The following TCF3 variants were observed in gnomAD, a reference collection of about 807,000 sequenced individuals.
The protein encoded by TCF3 is transcription factor E2-alpha.
A neutral mutation model predicts 72.3 loss-of-function variants in TCF3; 54 were observed. The ratio of observed to expected loss-of-function variants is 0.75; its 90% CI spans 0.60 to 0.94. The LOEUF (loss-of-function observed/expected upper bound fraction) is 0.94. TCF3 is among the 40% of genes least tolerant of loss of function. TCF3 has a pLI of 0.00. For missense variants in TCF3, 1,078 were observed against 934.4 expected, an observed-to-expected ratio of 1.15 and a Z score of -2.00; for synonymous variants, 525 against 412.6, an observed-to-expected ratio of 1.27 and a Z score of -3.30.
At chr19:1,642,266 G>GCACGCACA (rs1434733978) in intron 3 of TCF3, among the ~76,000 whole-genome samples, 1 of 149,450 alleles carries the variant, frequency 6.7e-6, no homozygotes, top group Admixed American at 6.7e-5. Context: ...GCGCACACAC[G>GCACGCACA]CACGCACACG....
At chr19:1,650,965 GAAAAA>G in intron 1 of TCF3, 1 of 203,112 alleles carries the variant, frequency 4.9e-6, no homozygotes, top group African/African-American at 2.4e-5. Context: ...ATTCAGGAAA[GAAAAA>G]AAAAACAGCC....
intron 11 of TCF3, among the ~76,000 whole-genome samples, 182 bp from the exon 12 acceptor site, chr19:1,621,373 C>T (rs184428903): frequency 9.8e-4 from 149 of 152,366 alleles, no homozygotes; most frequent in African/African-American, 3.4e-3. Context: ...GCACTGGGGA[C>T]AGGCCACTGG....
In TCF3 at chr19:1,614,690, G is replaced by C. The variant is rs990075326; in HGVS notation, c.1822+595C>G. 1.6e-4 allele frequency among the ~76,000 whole-genome samples: 25 copies of C among 152,242 alleles called. No homozygotes were observed. The highest frequency in any genetic ancestry group is 5.8e-4 in the African/African-American group (24 of 41,542). On this transcript the variant is annotated intron_variant, in intron 18 of 18. Transcript: ENST00000262965. This position sits in a 1 kb window ranked among gnomAD's most constrained non-coding sequence, Gnocchi z 5.6. The stretch of plus-strand genomic sequence containing the variant: ...TAAGGAAGCAGCCGCCAGCGCCAGC[G>C]GGGGGAAGGAGTCAGCTCACATCTG...
rs1428818118 is a variant in TCF3, at chr19:1,619,238, C to A, written c.1327-4G>T. The A allele has an allele frequency of 6.3e-7, 1 of 1,591,606 alleles. No homozygotes were observed. The highest frequency in any genetic ancestry group is 1.3e-5 in the African/African-American group (1 of 74,816). ...CCTCGGGGTGGCTGCCTCCAACCTG[C>A]AGGCGTGGGGAGACGGGTGCATCAG... On this transcript the variant is annotated splice_region_variant and splice_polypyrimidine_tract_variant and intron_variant, in intron 15 of 18. Transcript: ENST00000262965.
chr19:1,652,611 G>A lies in TCF3; in HGVS notation c.-351C>T, dbSNP rs1433428359. On this transcript the variant is annotated 5_prime_UTR_variant, in exon 1 of 19. Coordinates refer to ENST00000262965, the MANE Select transcript of TCF3 (RefSeq NM_003200.5). ...CTCATCTTCCTGCGGCGGGAGACAT[G>A]TTCCGCCCCCCGCCCGCGCCGCCCC... is the stretch of plus-strand genomic sequence containing the variant. The A allele has an allele frequency of 1.3e-5, 2 of 148,334 alleles. No homozygotes were observed. Among genetic ancestry groups the A allele is most frequent in the Non-Finnish European group, 3.0e-5 (2 of 66,290 alleles). The allele number at this position is 148,334 out of a possible 1,614,324, so 9.2% of individuals were successfully genotyped here. A position where few individuals can be genotyped will look rare whatever the true frequency, so the allele number is the denominator to read the frequency against.
Position 1,632,501 on chromosome 19 carries a change from C to CG in TCF3, c.146-97dup, listed in dbSNP as rs1413810176. 8.2e-6 allele frequency: 11 copies of CG among 1,346,096 alleles called. No homozygotes were observed. In the East Asian group the frequency reaches 1.5e-4, roughly 19 times the overall value. The allele number at this position is 1,346,096 out of a possible 1,614,324, so 83.4% of individuals were successfully genotyped here. A position where few individuals can be genotyped will look rare whatever the true frequency, so the allele number is the denominator to read the frequency against. On this transcript the variant is annotated intron_variant, in intron 3 of 18. Coordinates refer to ENST00000262965, the MANE Select transcript of TCF3 (RefSeq NM_003200.5). ...TCTCAGGGGCAAACCTCAGTGGACC[C>CG]GGGGGGCTTGTGGAACCCTTCCTAA...
At chr19:1,648,816 A>AT (rs2066533987) in intron 2 of TCF3, among the ~76,000 whole-genome samples, 1 of 82,958 alleles carries the variant, frequency 1.2e-5, no homozygotes, top group Non-Finnish European at 2.4e-5. Flanking sequence ...GCCACTGGGC[A>AT]TGGGGGGGGG....
At chr19:1,626,508 A>T (rs1332402848) in intron 6 of TCF3, among the ~76,000 whole-genome samples, 1 of 151,114 alleles carries the variant, frequency 6.6e-6, no homozygotes, top group Non-Finnish European at 1.5e-5. Context: ...GGGGTGGCCC[A>T]GCGCCCAGGA....
At chr19:1,636,959 G>C (rs1262104726) in intron 3 of TCF3, among the ~76,000 whole-genome samples, 1 of 152,142 alleles carries the variant, frequency 6.6e-6, no homozygotes, top group Non-Finnish European at 1.5e-5. Flanking sequence ...CTAAGAGTGG[G>C]GGTCCCCACA....
chr19:1,626,585 T>C (rs887692916), intron 6 of TCF3, among the ~76,000 whole-genome samples: 17 of 152,036 alleles, frequency 1.1e-4, no homozygotes, highest in African/African-American at 4.1e-4. Context: ...CGGGGCTCGA[T>C]GAGTCACCCG....
intron 2 of TCF3, among the ~76,000 whole-genome samples, chr19:1,648,387 G>A (rs558538860): frequency 1.3e-5 from 2 of 152,208 alleles, no homozygotes; most frequent in African/African-American, 4.8e-5. Flanking sequence ...GCACCTCGCC[G>A]CTCCCAGCCT....
At chr19:1,620,092 A>T (rs946786879) in intron 13 of TCF3, among the ~76,000 whole-genome samples, 6 of 152,066 alleles carry the variant, frequency 3.9e-5, no homozygotes, top group Non-Finnish European at 8.8e-5. Flanking sequence ...CATCTACAAA[A>T]TCCAACTCCC....
Position 1,621,199 on chromosome 19 carries a change from T to G in TCF3, c.956-8A>C. On this transcript the variant is annotated splice_region_variant and splice_polypyrimidine_tract_variant and intron_variant, in intron 11 of 18. Transcript: ENST00000262965. ...CTGTGGTCCCTCGGGAGCCTGTGGG[T>G]GAAGAGAGGTGAGGCCCACGCAGCC... The G allele has an allele frequency of 6.5e-7, 1 of 1,534,532 alleles. No individual in the cohort carries two copies. Among genetic ancestry groups the G allele is most frequent in the Non-Finnish European group, 8.7e-7 (1 of 1,145,794 alleles).
intron 3 of TCF3, among the ~76,000 whole-genome samples, chr19:1,643,613 T>G (rs923111430): frequency 6.6e-6 from 1 of 152,180 alleles, no homozygotes; most frequent in African/African-American, 2.4e-5. Flanking sequence ...CCTCCTGGCC[T>G]CAAGCGATCC....
intron 2 of TCF3, among the ~76,000 whole-genome samples, chr19:1,647,549 G>A (rs565088074): frequency 6.1e-4 from 93 of 152,326 alleles, no homozygotes; most frequent in Admixed American, 5.9e-4. Context: ...GAGGAAGAAC[G>A]GTCTTGCGGG....
At position 1,609,332 on chromosome 19, in the gene TCF3, T is replaced by C. The variant is rs576183556; in HGVS notation, c.*2375A>G. The stretch of plus-strand genomic sequence containing the variant: ...CACGTTTATTGCTACAGTGCTGTTA[T>C]ATACAGGACAGGTCTCTGAATCCAC... On this transcript the variant is annotated 3_prime_UTR_variant, in exon 19 of 19. Coordinates refer to ENST00000262965, the MANE Select transcript of TCF3 (RefSeq NM_003200.5). 5.2e-6 allele frequency: 1 copy of C among 191,494 alleles called. No homozygotes were observed. The highest frequency in any genetic ancestry group is 2.3e-5 in the African/African-American group (1 of 42,942). The allele number at this position is 191,494 out of a possible 1,614,324, so 11.9% of individuals were successfully genotyped here.
At chr19:1,648,622 C>G (rs2066498591) in intron 2 of TCF3, among the ~76,000 whole-genome samples, 1 of 152,248 alleles carries the variant, frequency 6.6e-6, no homozygotes, top group East Asian at 1.9e-4. Context: ...AAAATACCAG[C>G]ATGGCCCTTC....
chr19:1,632,488 A>C, intron 3 of TCF3, 83 bp from the exon 4 acceptor site: 1 of 1,402,338 alleles, frequency 7.1e-7, no homozygotes, highest in Non-Finnish European at 9.8e-7. Flanking sequence ...TCAGGGGCAA[A>C]CCTCAGTGGA....
chr19:1,629,795 C>T (rs554010989), intron 5 of TCF3, among the ~76,000 whole-genome samples: 1 of 152,154 alleles, frequency 6.6e-6, no homozygotes, highest in Non-Finnish European at 1.5e-5. Flanking sequence ...AAAAAATTTC[C>T]CGATTTTTGA....
Sources: allele counts gnomAD v4.1 joint callset (sites outside exome capture counted in the v4.1 genomes callset), GRCh38; gene constraint gnomAD v4.1.1; non-coding constraint Gnocchi (gnomAD v3.1); transcripts MANE v1.5; gene names NCBI Gene and HGNC (gene_info 2026-07-23, HGNC 2026-07-21).